Variants in IL1RAPL2 observed in about 807,000 individuals in gnomAD.
IL1RAPL2 encodes the protein interleukin 1 receptor accessory protein like 2.
A neutral mutation model predicts 44.1 loss-of-function variants in IL1RAPL2; 3 were observed. That is an observed-to-expected ratio of 0.07 (90% confidence interval 0.03 to 0.18). IL1RAPL2 has a LOEUF of 0.18. Ranked by LOEUF, IL1RAPL2 falls within the 10% of genes least tolerant of loss-of-function variation. The probability of loss-of-function intolerance (pLI) is 1.00; values close to 1 mark genes in which losing one functional copy is unlikely to be tolerated. For missense variants in IL1RAPL2, 391 were observed against 496.4 expected (o/e 0.79, Z 2.02); for synonymous variants, 181 against 178.8 (o/e 1.01, Z -0.10).
chrX:105,103,562 C>T (rs1210028139), intron 2 of IL1RAPL2, among the ~76,000 whole-genome samples: 1 of 111,754 alleles, frequency 8.9e-6, no homozygotes, highest in African/African-American at 3.3e-5. Context: ...AAATACCTCC[C>T]CAATGTATAG....
At chrX:105,684,085 C>G (rs778171661) in intron 6 of IL1RAPL2, among the ~76,000 whole-genome samples, 1 of 111,893 alleles carries the variant, frequency 8.9e-6, no homozygotes, top group African/African-American at 3.2e-5. Flanking sequence ...CGAATAGGAA[C>G]AGCTCCAGTC....
chrX:104,896,623 A>C (rs1303106573), intron 2 of IL1RAPL2, among the ~76,000 whole-genome samples: 1 of 111,537 alleles, frequency 9.0e-6, no homozygotes, highest in African/African-American at 3.3e-5. Context: ...ACCAAGCAGC[A>C]CTCTGTAAAA....
intron 6 of IL1RAPL2, among the ~76,000 whole-genome samples, chrX:105,487,098 A>G (rs1281913894): frequency 9.2e-6 from 1 of 108,663 alleles, no homozygotes; most frequent in Non-Finnish European, 1.9e-5. Context: ...TCTCAAAAAA[A>G]AAAAAAAAAA....
At chrX:104,809,694 T>C (rs1306809554) in intron 2 of IL1RAPL2, among the ~76,000 whole-genome samples, 2 of 110,708 alleles carry the variant, frequency 1.8e-5, no homozygotes, top group Non-Finnish European at 3.8e-5. Flanking sequence ...TTCACTCTGA[T>C]GGTAGTTTCT....
intron 2 of IL1RAPL2, among the ~76,000 whole-genome samples, chrX:104,860,775 G>A (rs1346149920): frequency 9.0e-6 from 1 of 110,715 alleles, no homozygotes; most frequent in Non-Finnish European, 1.9e-5. Flanking sequence ...ATATGACTAC[G>A]AAATAAAGAA....
intron 5 of IL1RAPL2, among the ~76,000 whole-genome samples, chrX:105,298,104 A>G (rs959238647): frequency 3.6e-5 from 4 of 111,155 alleles, no homozygotes; most frequent in Non-Finnish European, 7.6e-5. Flanking sequence ...TAACATATCC[A>G]TCACCTCATA....
At chrX:105,738,672 A>T (rs1221453952) in intron 7 of IL1RAPL2, among the ~76,000 whole-genome samples, 2 of 111,368 alleles carry the variant, frequency 1.8e-5, no homozygotes, top group African/African-American at 6.5e-5. Flanking sequence ...AGAAAAGAGA[A>T]GTTGACAGGG....
intron 2 of IL1RAPL2, among the ~76,000 whole-genome samples, chrX:104,859,788 T>C (rs980385479): frequency 4.5e-5 from 5 of 112,290 alleles, no homozygotes; most frequent in Non-Finnish European, 7.5e-5. Flanking sequence ...ATATGTAATA[T>C]AGTTTAATGA....
At chrX:105,621,837 A>G (rs1160629670) in intron 6 of IL1RAPL2, among the ~76,000 whole-genome samples, 1 of 111,138 alleles carries the variant, frequency 9.0e-6, no homozygotes, top group Admixed American at 9.6e-5. Flanking sequence ...CTCTGTAGCT[A>G]TTACTGTACA....
chrX:105,565,651 G>A (rs1036543448), intron 6 of IL1RAPL2, among the ~76,000 whole-genome samples: 4 of 112,057 alleles, frequency 3.6e-5, no homozygotes, highest in Admixed American at 9.5e-5. Context: ...TATTTTCTCC[G>A]TATCACTTTC....
intron 2 of IL1RAPL2, among the ~76,000 whole-genome samples, chrX:104,764,216 G>T (rs747456201): frequency 9.2e-6 from 1 of 108,915 alleles, no homozygotes; most frequent in South Asian, 4.0e-4. Context: ...TTCATTTTTT[G>T]GTGTCTTCTG....
chrX:104,676,065 T>C (rs1384815833), intron 2 of IL1RAPL2, among the ~76,000 whole-genome samples: 1 of 108,765 alleles, frequency 9.2e-6, no homozygotes, highest in Non-Finnish European at 1.9e-5. Flanking sequence ...TTTGCCAGTC[T>C]GTGTCTTTTA....
chrX:105,193,347 T>C (rs1203175694), intron 2 of IL1RAPL2, among the ~76,000 whole-genome samples: 1 of 111,765 alleles, frequency 8.9e-6, no homozygotes, highest in African/African-American at 3.3e-5. Flanking sequence ...TTTAAAAAAA[T>C]ATTCCCGTGG....
intron 5 of IL1RAPL2, among the ~76,000 whole-genome samples, chrX:105,356,312 A>G (rs1310562441): frequency 9.0e-6 from 1 of 110,977 alleles, no homozygotes; most frequent in African/African-American, 3.3e-5. Context: ...AGATTTTTTC[A>G]ATTGAGAATA....
At position 104,809,777 on chromosome X, in the gene IL1RAPL2, G is replaced by T. The variant is rs761193925; in HGVS notation, c.82+150782G>T. ...TTTGTCTTTTGTTGCTATTGCTTTT[G>T]GTGTTTTAGACGTGAAGTCCTTGCC... On this transcript the variant is annotated intron_variant, in intron 2 of 10. Transcript: ENST00000372582. Among the ~76,000 whole-genome samples the T allele has an allele frequency of 1.5e-4, 17 of 111,302 alleles. No individual in the cohort carries two copies. The East Asian group carries it at 4.8e-3, about 31-fold the overall frequency.
chrX:105,671,314 G>A (rs1245050508), intron 6 of IL1RAPL2, among the ~76,000 whole-genome samples: 1 of 112,070 alleles, frequency 8.9e-6, no homozygotes, highest in Non-Finnish European at 1.9e-5. Flanking sequence ...GTTGATTCTT[G>A]TATGTTTATA....
intron 2 of IL1RAPL2, among the ~76,000 whole-genome samples, chrX:104,785,692 C>T (rs1323151003): frequency 8.9e-6 from 1 of 111,902 alleles, no homozygotes; most frequent in African/African-American, 3.2e-5. Context: ...TATAGCTCAG[C>T]AGTTCTACCT....
At chrX:104,798,211 T>G (rs1488615154) in intron 2 of IL1RAPL2, among the ~76,000 whole-genome samples, 11 of 111,591 alleles carry the variant, frequency 9.9e-5, no homozygotes, top group Admixed American at 8.6e-4. Context: ...CAGCTAAGAC[T>G]CTAAGGCATT....
At chrX:105,412,017 C>A (rs1408758182) in intron 5 of IL1RAPL2, among the ~76,000 whole-genome samples, 1 of 111,145 alleles carries the variant, frequency 9.0e-6, no homozygotes, top group Non-Finnish European at 1.9e-5. Flanking sequence ...GGCAATCTTA[C>A]AAATACATGG....
Sources: gnomAD v4.1 joint callset for allele counts (sites outside exome capture counted in the v4.1 genomes callset) on GRCh38, gnomAD v4.1.1 for gene constraint, MANE v1.5 for transcripts, NCBI Gene and HGNC (gene_info 2026-07-23, HGNC 2026-07-21) for gene names.